The following ZNF335 variants were observed in gnomAD, a reference collection of about 807,000 sequenced individuals.
The protein encoded by ZNF335 is zinc finger protein 335.
In ZNF335, 84 loss-of-function variants were observed where a neutral mutation model predicts 145.6. That is an observed-to-expected ratio of 0.58 (90% confidence interval 0.48 to 0.69). ZNF335 has a LOEUF of 0.69. Among genes scored for constraint, ZNF335 ranks in the 30% least tolerant of loss-of-function variants. The pLI, the probability that ZNF335 is intolerant of heterozygous loss-of-function variation, is 0.00. For synonymous variants in ZNF335, 761 were observed against 717.0 expected (o/e 1.06, Z -0.98); for missense variants, 1,865 against 1,809.7 (o/e 1.03, Z -0.55).
chr20:45,955,462 C>T (rs2083712886), intron 17 of ZNF335, among the ~76,000 whole-genome samples: 2 of 149,274 alleles, frequency 1.3e-5, no homozygotes, highest in African/African-American at 4.9e-5. Flanking sequence ...TATCTTTTTA[C>T]AAGGCTTCTC....
In ZNF335 at chr20:45,955,776, C is replaced by T. The variant is rs370930150; in HGVS notation, c.2442+1810G>A. On this transcript the variant is annotated intron_variant, in intron 17 of 27. Transcript: ENST00000322927. ...CGGAGGTTGCAGGGAGCCAACATCA[C>T]GCCACTGCACTCCAGCCTGGGTGAC... Among the ~76,000 whole-genome samples the T allele has an allele frequency of 1.3e-4, 20 of 151,170 alleles. No individual in the cohort carries two copies. In the East Asian group the frequency reaches 3.1e-3, roughly 23 times the overall value.
intron 2 of ZNF335, among the ~76,000 whole-genome samples, chr20:45,970,425 G>A (rs759540652): frequency 4.7e-4 from 71 of 152,328 alleles, no homozygotes; most frequent in Non-Finnish European, 5.3e-4. Flanking sequence ...ACAATGTGCT[G>A]AGCACTGTTT....
chr20:45,971,964 C>T, intron 1 of ZNF335, 158 bp downstream of exon 1: 2 of 985,418 alleles, frequency 2.0e-6, no homozygotes, highest in Non-Finnish European at 2.4e-6. Context: ...GCCGGGTTTC[C>T]GCTCAGGCAA....
intron 2 of ZNF335, among the ~76,000 whole-genome samples, chr20:45,970,631 G>A (rs1022060889): frequency 6.6e-6 from 1 of 152,156 alleles, no homozygotes; most frequent in African/African-American, 2.4e-5. Context: ...ATGTCTGGTG[G>A]GAGCTCACAA....
chr20:45,957,522 T>C, intron 17 of ZNF335, 64 bp downstream of exon 17: 2 of 1,475,370 alleles, frequency 1.4e-6, no homozygotes, highest in East Asian at 2.3e-5. Flanking sequence ...CTAGTCCCAG[T>C]GTCCAGTGCA....
chr20:45,969,534 G>C lies in ZNF335; in HGVS notation c.359C>G (p.Ser120Cys). The change falls in exon 3 of 28, where the codon TCC (serine) becomes TGC (cysteine). Residue 120 changes from serine to cysteine, a missense_variant. Transcript: ENST00000322927. ...SALPDPNMLV[S>C]DCTASSSDLG... ...GTCCGAGGAGGAAGCTGTGCAGTCG[G>C]ACACCAGCATGTTGGGGTCTGGGAG... The C allele has an allele frequency of 6.3e-7, 1 of 1,592,472 alleles. No homozygotes were observed. The highest frequency in any genetic ancestry group is 8.6e-7 in the Non-Finnish European group (1 of 1,162,506).
intron 6 of ZNF335, among the ~76,000 whole-genome samples, chr20:45,966,551 CTT>C (rs34666532): frequency 4.3e-5 from 6 of 140,534 alleles, no homozygotes; most frequent in African/African-American, 2.6e-5. Flanking sequence ...CTTTTTCTTT[CTT>C]TTTTTTTTTT....
In ZNF335 at chr20:45,959,310, T is replaced by TCCTCAGGGTGGCG. The variant is rs1378330602; in HGVS notation, c.2131_2143dup (p.Glu715AlafsTer4). On this transcript the variant is annotated stop_gained and frameshift_variant, in exon 15 of 28. Coordinates refer to ENST00000322927, the MANE Select transcript of ZNF335 (RefSeq NM_022095.4). LOFTEE classifies it high-confidence loss of function. Reference sequence around the variant, plus strand: ...GAAGGGGCGACGGCGGGAGGGGGGCTCCTCAGGGTGGCGCCTCCCCCATTC... The same window carrying TCCTCAGGGTGGCG: ...GAAGGGGCGACGGCGGGAGGGGGGCTCCTCAGGGTGGCGCCTCAGGGTGGCGCCTCCCCCATTC... The TCCTCAGGGTGGCG allele has an allele frequency of 6.4e-7, 1 of 1,571,916 alleles. No individual in the cohort carries two copies. The highest frequency in any genetic ancestry group is 1.2e-5 in the South Asian group (1 of 86,738).
In ZNF335 at chr20:45,962,102, G is replaced by A. The variant is rs747445781; in HGVS notation, c.1614C>T (p.Val538=). Residue 538 remains valine (V), a synonymous_variant, in exon 10 of 28, where the codon GTC becomes GTT. Coordinates refer to ENST00000322927, the MANE Select transcript of ZNF335 (RefSeq NM_022095.4). Reference sequence around the variant, plus strand: ...GGCTGTGCACAGCGGCGTGCCGAATGACGTCCTTCCGGTAGACACTGGTGT... The same window carrying A: ...GGCTGTGCACAGCGGCGTGCCGAATAACGTCCTTCCGGTAGACACTGGTGT... ...CSYTSVYRKD[V]IRHAAVHSRD... The A allele has an allele frequency of 1.9e-6, 3 of 1,580,728 alleles. No individual in the cohort carries two copies. The highest frequency in any genetic ancestry group is 2.2e-5 in the South Asian group (2 of 90,624).
At chr20:45,961,054 G>T (rs183666808) in intron 10 of ZNF335, among the ~76,000 whole-genome samples, 172 bp from the exon 11 acceptor site, 2 of 152,160 alleles carry the variant, frequency 1.3e-5, no homozygotes, top group Non-Finnish European at 2.9e-5. Context: ...TAAGGGGCAC[G>T]CTGTAAATAA....
chr20:45,971,115 G>C, intron 2 of ZNF335, 95 bp downstream of exon 2: 1 of 1,435,380 alleles, frequency 7.0e-7, no homozygotes, highest in Admixed American at 2.8e-5. Flanking sequence ...GAAACACCAA[G>C]TATTAGCTAC....
At chr20:45,955,490 A>G (rs1156567576) in intron 17 of ZNF335, among the ~76,000 whole-genome samples, 1 of 151,744 alleles carries the variant, frequency 6.6e-6, no homozygotes, top group African/African-American at 2.4e-5. Context: ...CCTCTGACCC[A>G]CTAATTCTTC....
At chr20:45,963,379 GCT>G in intron 9 of ZNF335, 92 bp downstream of exon 9, 1 of 1,403,476 alleles carries the variant, frequency 7.1e-7, no homozygotes, top group Non-Finnish European at 9.7e-7. Flanking sequence ...GACCCAGAAT[GCT>G]CTGTGACTCC....
At position 45,967,803 on chromosome 20, in the gene ZNF335, T is replaced by C. The variant is rs149075279; in HGVS notation, c.745A>G (p.Met249Val). 4 of 1,613,564 alleles carry C rather than the reference T, an allele frequency of 2.5e-6. No homozygotes were observed. The highest frequency in any genetic ancestry group is 1.7e-6 in the Non-Finnish European group (2 of 1,180,022). The change falls in exon 5 of 28, where the codon ATG (methionine) becomes GTG (valine). Residue 249 changes from methionine to valine, a missense_variant. Coordinates refer to ENST00000322927, the MANE Select transcript of ZNF335 (RefSeq NM_022095.4). ...TTGGTGCTGCTCCGGTACTGGCACA[T>C]CTTGCATTTGAACTGCTGCACCACC... is the stretch of plus-strand genomic sequence containing the variant. ...VVVVQQFKCK[M>V]CQYRSSTKAT...
Position 45,949,047 on chromosome 20 carries a change from C to T in ZNF335, c.3935G>A (p.Gly1312Asp). 6.2e-7 allele frequency: 1 copy of T among 1,613,842 alleles called. No homozygotes were observed. The highest frequency in any genetic ancestry group is 8.5e-7 in the Non-Finnish European group (1 of 1,180,020). The change falls in exon 28 of 28, where the codon GGC becomes GAC. Residue 1312 changes from glycine (G) to aspartate (D), a missense_variant. Physicochemically the swap from Gly to Asp is moderately conservative, Grantham distance 94. Coordinates refer to ENST00000322927, the MANE Select transcript of ZNF335 (RefSeq NM_022095.4). ...CACTGTCTCGTCTGTACCAAACAGG[C>T]CCTGGGCTTGGGCCATGGCAGCATC... ...VADAAMAQAQ[G>D]LFGTDETVPE...
At chr20:45,954,883 T>G (rs1268099815) in intron 17 of ZNF335, among the ~76,000 whole-genome samples, 1 of 144,282 alleles carries the variant, frequency 6.9e-6, no homozygotes, top group African/African-American at 2.6e-5. Flanking sequence ...TCCTCCCACC[T>G]CAGCCTCTCA....
chr20:45,954,708 G>C (rs1300789440), intron 17 of ZNF335, among the ~76,000 whole-genome samples: 1 of 149,482 alleles, frequency 6.7e-6, no homozygotes, highest in African/African-American at 2.4e-5. Flanking sequence ...ACTTTAGAAA[G>C]GAATAAAATG....
intron 7 of ZNF335, among the ~76,000 whole-genome samples, 196 bp downstream of exon 7, chr20:45,965,432 G>GA (rs1254407777): frequency 2.6e-5 from 4 of 152,294 alleles, no homozygotes; most frequent in African/African-American, 9.6e-5. Context: ...ATAAAGCTGA[G>GA]AGAGTTTCCT....
chr20:45,971,528 C>A, intron 1 of ZNF335, 68 bp from the exon 2 acceptor site: 1 of 1,500,268 alleles, frequency 6.7e-7, no homozygotes, highest in Non-Finnish European at 8.9e-7. Context: ...CCACGGCCAC[C>A]CATTTGCACC....
Sources: gnomAD v4.1 joint callset for allele counts (sites outside exome capture counted in the v4.1 genomes callset) on GRCh38, gnomAD v4.1.1 for gene constraint, MANE v1.5 for transcripts, NCBI Gene and HGNC (gene_info 2026-07-23, HGNC 2026-07-21) for gene names.